SAMTOR: variants seen among roughly 807,000 people sequenced by gnomAD.
SAMTOR encodes S-adenosylmethionine sensor upstream of mTORC1.
At chr7:112,858,151 T>C in the SAMTOR span, among the ~76,000 whole-genome samples, 1 of 152,090 alleles carries the variant, frequency 6.6e-6, no homozygotes, top group Non-Finnish European at 1.5e-5. Context: ...ACTTGTGTGG[T>C]GTGGAGTCTG....
chr7:112,931,535 G>C, the SAMTOR span, among the ~76,000 whole-genome samples: 1 of 152,188 alleles, frequency 6.6e-6, no homozygotes, highest in East Asian at 1.9e-4. Context: ...CCTTGTGAAA[G>C]TGAACTTCAC....
the SAMTOR span, among the ~76,000 whole-genome samples, chr7:112,918,748 G>A: frequency 6.6e-6 from 1 of 152,184 alleles, no homozygotes; most frequent in Non-Finnish European, 1.5e-5. Flanking sequence ...AAGGGATGGA[G>A]GAAGATCTAC....
chr7:112,906,787 G>T, the SAMTOR span, among the ~76,000 whole-genome samples: 3,407 of 152,046 alleles, frequency 0.022, 65 homozygotes, highest in Admixed American at 0.042. Context: ...GGCCAGGATG[G>T]TCTCAATCCC....
the SAMTOR span, among the ~76,000 whole-genome samples, chr7:112,850,216 AAC>A: frequency 6.9e-3 from 1,049 of 152,090 alleles, 15 homozygotes; most frequent in African/African-American, 0.021. Context: ...CAACAACAAC[AAC>A]AAAAAAAACC....
chr7:112,843,234 A>G, the SAMTOR span, among the ~76,000 whole-genome samples: 16 of 152,136 alleles, frequency 1.1e-4, no homozygotes, highest in South Asian at 1.4e-3. Context: ...TCAGAAATGC[A>G]TGAATAAATC....
At chr7:112,921,951 C>G in the SAMTOR span, among the ~76,000 whole-genome samples, 4 of 67,122 alleles carry the variant, frequency 6.0e-5, no homozygotes, top group East Asian at 7.4e-4. Flanking sequence ...CTCCCCCTCT[C>G]CCTCTCCCTC....
At chr7:112,827,320 A>T in the SAMTOR span, among the ~76,000 whole-genome samples, 48 of 152,194 alleles carry the variant, frequency 3.2e-4, no homozygotes, top group African/African-American at 1.1e-3. Flanking sequence ...TAATCTTGCT[A>T]TTTATTTTCT....
chr7:112,825,089 T>C, the SAMTOR span, among the ~76,000 whole-genome samples: 1 of 152,124 alleles, frequency 6.6e-6, no homozygotes, highest in Admixed American at 6.5e-5. Flanking sequence ...TGGTGTGATC[T>C]TAGCTCACTG....
chr7:112,914,434 G>C, the SAMTOR span, among the ~76,000 whole-genome samples: 2 of 151,956 alleles, frequency 1.3e-5, no homozygotes, highest in African/African-American at 2.4e-5. Flanking sequence ...TTTAAGTTTA[G>C]TCAATATACT....
chr7:112,902,425 AAAACAAAAAAAAAC>A, the SAMTOR span, among the ~76,000 whole-genome samples: 1 of 99,946 alleles, frequency 1.0e-5, no homozygotes, highest in African/African-American at 4.0e-5. Flanking sequence ...TCAAAAAAAA[AAAACAAAAAAAAAC>A]AAAAAAAAAC....
chr7:112,840,535 T>C, the SAMTOR span, among the ~76,000 whole-genome samples: 66 of 152,030 alleles, frequency 4.3e-4, no homozygotes, highest in African/African-American at 1.5e-3. Flanking sequence ...TTTTAACTTC[T>C]GTCTTTAACC....
the SAMTOR span, among the ~76,000 whole-genome samples, chr7:112,887,946 TTTCTG>T: frequency 6.6e-6 from 1 of 152,142 alleles, no homozygotes; most frequent in African/African-American, 2.4e-5. Context: ...ATTTCATTAA[TTTCTG>T]TTCTAATTTT....
At chr7:112,917,911 A>C in the SAMTOR span, among the ~76,000 whole-genome samples, 1 of 152,328 alleles carries the variant, frequency 6.6e-6, no homozygotes, top group African/African-American at 2.4e-5. Flanking sequence ...AAGAATAAAA[A>C]GAAATGAACA....
the SAMTOR span, among the ~76,000 whole-genome samples, chr7:112,878,956 G>C: frequency 6.6e-6 from 1 of 152,046 alleles, no homozygotes; most frequent in Non-Finnish European, 1.5e-5. Flanking sequence ...TGAGAATTTA[G>C]AATTGATAGT....
chr7:112,875,584 C>A, the SAMTOR span, among the ~76,000 whole-genome samples: 2 of 152,088 alleles, frequency 1.3e-5, no homozygotes, highest in African/African-American at 2.4e-5. Flanking sequence ...TAGAACTGAT[C>A]TGAATTTCCC....
the SAMTOR span, among the ~76,000 whole-genome samples, chr7:112,827,868 C>T: frequency 1.3e-5 from 2 of 152,028 alleles, no homozygotes; most frequent in Non-Finnish European, 2.9e-5. Flanking sequence ...TACAAGTGCA[C>T]CATGCGTGGC....
the SAMTOR span, among the ~76,000 whole-genome samples, chr7:112,924,602 A>G: frequency 2.6e-5 from 4 of 152,148 alleles, no homozygotes; most frequent in Non-Finnish European, 4.4e-5. Flanking sequence ...GTACTCATAT[A>G]CAAATATTTC....
chr7:112,914,274 TA>T, the SAMTOR span, among the ~76,000 whole-genome samples: 3 of 88,826 alleles, frequency 3.4e-5, no homozygotes, highest in African/African-American at 9.3e-5. Flanking sequence ...ATTTAGCCTC[TA>T]GTTTTTTTTT....
chr7:112,865,686 A>ACTT, the SAMTOR span, among the ~76,000 whole-genome samples: 1 of 47,142 alleles, frequency 2.1e-5, no homozygotes, highest in South Asian at 7.6e-4. Flanking sequence ...ATTCATATAT[A>ACTT]TTTCATATAT....
Sources: allele counts gnomAD v4.1 joint callset (sites outside exome capture counted in the v4.1 genomes callset), GRCh38; gene constraint gnomAD v4.1.1; transcripts MANE v1.5; gene names NCBI Gene and HGNC (gene_info 2026-07-23, HGNC 2026-07-21).